The following TRPM7 variants were observed in gnomAD, a reference collection of about 807,000 sequenced individuals.
The protein encoded by TRPM7 is LTRPC ion channel family member 7.
TRPM7 carries 134 observed loss-of-function variants against 229.7 expected under a neutral mutation model. The ratio of observed to expected loss-of-function variants is 0.58; its 90% CI spans 0.51 to 0.67. The LOEUF is 0.67. Ranked by LOEUF, TRPM7 falls within the 30% of genes least tolerant of loss-of-function variation. The pLI, the probability that TRPM7 is intolerant of heterozygous loss-of-function variation, is 0.00. For synonymous variants in TRPM7, 699 were observed against 715.2 expected (o/e 0.98, Z 0.36); for missense variants, 1,901 against 2,210.0 (o/e 0.86, Z 2.80).
intron 1 of TRPM7, among the ~76,000 whole-genome samples, chr15:50,677,753 A>AG (rs1213493201): frequency 6.7e-6 from 1 of 150,158 alleles, no homozygotes; most frequent in East Asian, 2.0e-4. Flanking sequence ...AAAAAAAAAA[A>AG]AAAAAAACAA....
chr15:50,614,817 T>C (rs182178547), intron 13 of TRPM7, among the ~76,000 whole-genome samples: 5 of 151,424 alleles, frequency 3.3e-5, no homozygotes, highest in Admixed American at 3.3e-4. Flanking sequence ...GAGACAGGAG[T>C]ATGACCTAAA....
chr15:50,599,093 A>C, intron 22 of TRPM7, 29 bp downstream of exon 22: 2 of 1,506,516 alleles, frequency 1.3e-6, no homozygotes, highest in Non-Finnish European at 1.8e-6. Context: ...AATAACCAAA[A>C]GATAAATCTG....
At chr15:50,653,915 C>A (rs1353156228) in intron 3 of TRPM7, among the ~76,000 whole-genome samples, 1 of 151,902 alleles carries the variant, frequency 6.6e-6, no homozygotes, top group African/African-American at 2.4e-5. Context: ...TTTAGTTCAG[C>A]GTGAAAAGAC....
Position 50,613,823 on chromosome 15 carries a change from A to G in TRPM7, c.1654T>C (p.Ser552Pro), listed in dbSNP as rs2060134614. 6.2e-7 allele frequency: 1 copy of G among 1,612,402 alleles called. No homozygotes were observed. Among genetic ancestry groups the G allele is most frequent in the Non-Finnish European group, 8.5e-7 (1 of 1,179,634 alleles). Reference sequence around the variant, plus strand: ...TTTCGCAACTGAGGAGTGCTGCTGGAGGTATTTCGGCCAGACCTCTGAAAA... The same window carrying G: ...TTTCGCAACTGAGGAGTGCTGCTGGGGGTATTTCGGCCAGACCTCTGAAAA... Reference protein sequence around the residue: ...GNNRRSGRNTSSSTPQLRKSH... With the variant: ...GNNRRSGRNTPSSTPQLRKSH... The change falls in exon 15 of 39, where the codon TCC (serine) becomes CCC (proline). Residue 552 changes from serine (S) to proline (P), a missense_variant. Physicochemically the swap from Ser to Pro is moderately conservative, Grantham distance 74. Coordinates refer to ENST00000646667, the MANE Select transcript of TRPM7 (RefSeq NM_017672.6).
At chr15:50,652,328 C>CAAAAAA (rs34122648) in intron 3 of TRPM7, among the ~76,000 whole-genome samples, 6 of 34,226 alleles carry the variant, frequency 1.8e-4, no homozygotes, top group African/African-American at 5.7e-4. Context: ...GACTCCATCT[C>CAAAAAA]AAAAAAAAAA....
intron 24 of TRPM7, 119 bp downstream of exon 24, chr15:50,594,309 CA>C: frequency 1.1e-6 from 1 of 948,166 alleles, no homozygotes; most frequent in Non-Finnish European, 1.5e-6. Flanking sequence ...GCATATTTAA[CA>C]AAAATCTACC....
At chr15:50,632,274 T>C (rs2060761028) in intron 9 of TRPM7, among the ~76,000 whole-genome samples, 1 of 149,374 alleles carries the variant, frequency 6.7e-6, no homozygotes, top group Non-Finnish European at 1.5e-5. Flanking sequence ...GCTTGAGCAA[T>C]GGAGCGAGAC....
At chr15:50,635,322 A>T (rs2060861338) in intron 7 of TRPM7, among the ~76,000 whole-genome samples, 1 of 101,704 alleles carries the variant, frequency 9.8e-6, no homozygotes, top group African/African-American at 3.0e-5. Flanking sequence ...CTCACATAAA[A>T]AAAAAAAAAA....
chr15:50,575,910 G>A lies in TRPM7; in HGVS notation c.4628C>T (p.Ser1543Phe), dbSNP rs2054109021. 3 of 1,613,154 alleles carry A rather than the reference G, an allele frequency of 1.9e-6. No individual in the cohort carries two copies. In the African/African-American group the frequency reaches 4.0e-5, roughly 22 times the overall value. Reference sequence around the variant, plus strand: ...TGTATCCATAGCTGGCTTAAATGGAGAAGTGAGACCTAGAATGGCAAATAA... The same window carrying A: ...TGTATCCATAGCTGGCTTAAATGGAAAAGTGAGACCTAGAATGGCAAATAA... Reference protein sequence around the residue: ...SEEGTLNGLTSPFKPAMDTNY... With the variant: ...SEEGTLNGLTFPFKPAMDTNY... Residue 1543 changes from serine to phenylalanine, a missense_variant, in exon 32 of 39, where the codon TCT (serine) becomes TTT (phenylalanine). Transcript: ENST00000646667.
intron 10 of TRPM7, among the ~76,000 whole-genome samples, chr15:50,630,259 G>C (rs1330407854): frequency 1.5e-5 from 2 of 130,116 alleles, no homozygotes; most frequent in Non-Finnish European, 3.6e-5. Flanking sequence ...CATGATTCCA[G>C]ATGATATAAA....
At chr15:50,657,002 C>A (rs2061591666) in intron 3 of TRPM7, among the ~76,000 whole-genome samples, 3 of 152,066 alleles carry the variant, frequency 2.0e-5, no homozygotes, top group Admixed American at 6.6e-5. Context: ...TCTTCCAATC[C>A]AATCTAAAAA....
At position 50,599,272 on chromosome 15, in the gene TRPM7, C is replaced by T; in HGVS notation, c.3013G>A (p.Val1005Met). The T allele has an allele frequency of 6.2e-7, 1 of 1,611,608 alleles. No individual in the cohort carries two copies. Among genetic ancestry groups the T allele is most frequent in the Non-Finnish European group, 8.5e-7 (1 of 1,178,946 alleles). The change falls in exon 22 of 39, where the codon GTG becomes ATG. Residue 1005 changes from valine (V) to methionine (M), a missense_variant. By Grantham distance (21) the Val-to-Met change is conservative (BLOSUM62 1). This residue lies in a region of TRPM7 where 89 missense variants were observed against 178.2 expected (regional missense o/e 0.50). Transcript: ENST00000646667. ...CTAAGTAATACAAGAGCCATAATCA[C>T]TACAATGTAGAACATATTGGCCACC... is the stretch of plus-strand genomic sequence containing the variant. ...KMVANMFYIV[V>M]IMALVLLSFG...
chr15:50,574,588 GACTGCT>G, intron 35 of TRPM7, 43 bp downstream of exon 35: 2 of 1,559,544 alleles, frequency 1.3e-6, no homozygotes, highest in Non-Finnish European at 1.8e-6. Flanking sequence ...GGTCAAAAGG[GACTGCT>G]ATCCATATAA....
chr15:50,615,405 AT>A (rs1379350221), intron 13 of TRPM7, among the ~76,000 whole-genome samples: 5 of 152,134 alleles, frequency 3.3e-5, no homozygotes, highest in Admixed American at 3.3e-4. Context: ...TTGTTTAAAG[AT>A]AAGACTTCAT....
chr15:50,591,812 C>A, intron 26 of TRPM7, 99 bp downstream of exon 26: 1 of 894,398 alleles, frequency 1.1e-6, no homozygotes, highest in Non-Finnish European at 1.6e-6. Context: ...TAATTATACT[C>A]TATGAAAAGA....
intron 12 of TRPM7, among the ~76,000 whole-genome samples, chr15:50,621,693 C>T (rs771338476): frequency 1.3e-5 from 2 of 152,132 alleles, no homozygotes; most frequent in South Asian, 2.1e-4. Context: ...CATTTGCAAA[C>T]GTGTTTTCCT....
At chr15:50,635,683 AAAAAAAAAG>A (rs55919204) in intron 7 of TRPM7, among the ~76,000 whole-genome samples, 18,282 of 134,092 alleles carry the variant, frequency 0.14, 2,859 homozygotes, top group East Asian at 0.4. Flanking sequence ...AAAAAAAAAA[AAAAAAAAAG>A]AGGACGGCTG....
intron 38 of TRPM7, among the ~76,000 whole-genome samples, chr15:50,568,640 C>T (rs2053724921): frequency 6.6e-6 from 1 of 152,090 alleles, no homozygotes; most frequent in Non-Finnish European, 1.5e-5. Flanking sequence ...AGTCTAAGCT[C>T]TTAACTATTA....
intron 1 of TRPM7, among the ~76,000 whole-genome samples, chr15:50,670,643 G>A (rs1261096924): frequency 6.6e-6 from 1 of 151,990 alleles, no homozygotes; most frequent in African/African-American, 2.4e-5. Flanking sequence ...CACTTTCCCA[G>A]AAAATTCATT....
Sources: gnomAD v4.1 joint callset for allele counts (sites outside exome capture counted in the v4.1 genomes callset) on GRCh38, gnomAD v4.1.1 for gene constraint, gnomAD v4.1.1 regional missense constraint, MANE v1.5 for transcripts, NCBI Gene and HGNC (gene_info 2026-07-23, HGNC 2026-07-21) for gene names.